Variants in CEP112 observed in about 807,000 individuals in gnomAD.
CEP112 encodes the protein centrosomal protein 112.
Under a neutral mutation model 153.0 loss-of-function variants are expected in CEP112, and 127 were observed. That is an observed-to-expected ratio of 0.83 (90% CI 0.72 to 0.96). CEP112 has a LOEUF of 0.96. Ranked by LOEUF, CEP112 falls within the 40% of genes least tolerant of loss-of-function variation. CEP112 has a pLI of 0.00. For missense variants in CEP112, 1,089 were observed against 1,101.2 expected (o/e 0.99, Z 0.16); for synonymous variants, 358 against 374.4 (o/e 0.96, Z 0.51).
At chr17:65,994,285 G>T (rs572216463) in intron 17 of CEP112, among the ~76,000 whole-genome samples, 48 of 152,110 alleles carry the variant, frequency 3.2e-4, no homozygotes, top group Non-Finnish European at 5.6e-4. Flanking sequence ...CACATATGTG[G>T]TTTACCTCTC....
At chr17:65,962,121 A>C (rs2062226453) in intron 17 of CEP112, among the ~76,000 whole-genome samples, 1 of 152,190 alleles carries the variant, frequency 6.6e-6, no homozygotes, top group Non-Finnish European at 1.5e-5. Flanking sequence ...GGAAATAGGG[A>C]GTGATTGCCA....
chr17:65,927,671 C>T lies in CEP112; in HGVS notation c.1891G>A (p.Asp631Asn). Residue 631 changes from aspartate (D) to asparagine (N), a missense_variant, in exon 19 of 27, where the codon GAT (aspartate) becomes AAT (asparagine). Physicochemically the swap from Asp to Asn is conservative, Grantham distance 23 (BLOSUM62 1). Coordinates refer to ENST00000535342, the MANE Select transcript of CEP112 (RefSeq NM_001199165.4). ...MKEQMEKVEA[D>N]LTRSKSLREK... ...CGAAGAGATTTGGATCTAGTTAGAT[C>T]TGCCTCCACTTTTTCCATCTATAAA... is the stretch of plus-strand genomic sequence containing the variant. 1 of 1,567,244 alleles carries T rather than the reference C, an allele frequency of 6.4e-7. No individual in the cohort carries two copies. The highest frequency in any genetic ancestry group is 8.6e-7 in the Non-Finnish European group (1 of 1,163,168).
At chr17:65,697,403 G>T (rs1261994831) in intron 23 of CEP112, among the ~76,000 whole-genome samples, 1 of 152,010 alleles carries the variant, frequency 6.6e-6, no homozygotes, top group Non-Finnish European at 1.5e-5. Context: ...TGATGAGTAG[G>T]TCTCCTTTTG....
At chr17:66,052,474 C>T (rs1028426011) in intron 12 of CEP112, among the ~76,000 whole-genome samples, 4 of 152,134 alleles carry the variant, frequency 2.6e-5, no homozygotes, top group African/African-American at 9.7e-5. Context: ...TGAAGACAGT[C>T]ACTTCCCCAG....
chr17:65,769,355 T>C lies in CEP112; in HGVS notation c.2395-18631A>G, dbSNP rs144407771. Among the ~76,000 whole-genome samples the C allele has an allele frequency of 5.9e-5, 9 of 152,126 alleles. 1 individual carries two copies. The highest frequency in any genetic ancestry group is 3.9e-4 in the East Asian group (2 of 5,182). The stretch of plus-strand genomic sequence containing the variant: ...TGTCCATACTACTCCCAAAGGAATA[T>C]ATAGATGCAATGCAAACCCTATCAA... On this transcript the variant is annotated intron_variant, in intron 21 of 26. Transcript: ENST00000535342.
intron 18 of CEP112, among the ~76,000 whole-genome samples, chr17:65,946,191 C>T (rs1486145679): frequency 1.3e-5 from 2 of 152,090 alleles, no homozygotes; most frequent in Admixed American, 6.6e-5. Flanking sequence ...CAATGAAGCC[C>T]AATTTTAAAA....
chr17:65,659,862 G>A (rs2046256224), intron 24 of CEP112, among the ~76,000 whole-genome samples: 2 of 152,202 alleles, frequency 1.3e-5, no homozygotes, highest in South Asian at 2.1e-4. Flanking sequence ...GATAATGGAG[G>A]CCATCACAGA....
intron 2 of CEP112, among the ~76,000 whole-genome samples, chr17:66,179,990 A>C (rs910652047): frequency 1.2e-4 from 19 of 152,098 alleles, no homozygotes; most frequent in African/African-American, 4.6e-4. Flanking sequence ...TATCACATGG[A>C]TTGATTTGCA....
intron 12 of CEP112, among the ~76,000 whole-genome samples, chr17:66,043,996 TTC>T (rs1288653834): frequency 6.6e-6 from 1 of 152,190 alleles, no homozygotes; most frequent in African/African-American, 2.4e-5. Context: ...CTTTTGACGA[TTC>T]TTAAATTCAA....
intron 6 of CEP112, among the ~76,000 whole-genome samples, chr17:66,119,073 C>T (rs564702940): frequency 6.6e-6 from 1 of 152,244 alleles, no homozygotes; most frequent in South Asian, 2.1e-4. Context: ...AGCCATGATC[C>T]TCAGCAAACT....
chr17:66,038,454 A>G (rs1299592239), intron 12 of CEP112, among the ~76,000 whole-genome samples: 4 of 152,246 alleles, frequency 2.6e-5, no homozygotes, highest in African/African-American at 7.2e-5. Context: ...GGGAAAGCCT[A>G]TAGGCATATA....
intron 18 of CEP112, among the ~76,000 whole-genome samples, chr17:65,942,855 G>A (rs577617087): frequency 2.6e-5 from 4 of 152,206 alleles, no homozygotes; most frequent in African/African-American, 9.6e-5. Context: ...CTCCAGTAAA[G>A]TACTATTGTG....
intron 2 of CEP112, among the ~76,000 whole-genome samples, chr17:66,177,842 C>T (rs1020159319): frequency 1.2e-4 from 18 of 152,172 alleles, no homozygotes; most frequent in Admixed American, 2.6e-4. Context: ...GCTTATTTCA[C>T]TTAACATAAT....
At chr17:65,747,231 G>A (rs2051527002) in intron 22 of CEP112, among the ~76,000 whole-genome samples, 1 of 152,190 alleles carries the variant, frequency 6.6e-6, no homozygotes, top group African/African-American at 2.4e-5. Flanking sequence ...AGGAACGTTA[G>A]GTGAACACTG....
At chr17:66,035,639 G>C (rs758818426) in intron 12 of CEP112, among the ~76,000 whole-genome samples, 50 of 152,246 alleles carry the variant, frequency 3.3e-4, no homozygotes, top group Admixed American at 1.1e-3. Flanking sequence ...AGAAATATTT[G>C]TACTCCCATG....
intron 19 of CEP112, among the ~76,000 whole-genome samples, chr17:65,920,201 C>T (rs1401454982): frequency 6.7e-6 from 1 of 150,002 alleles, no homozygotes; most frequent in Non-Finnish European, 1.5e-5. Context: ...AAAAATTAGC[C>T]AGGAGTGGTG....
intron 1 of CEP112, among the ~76,000 whole-genome samples, chr17:66,186,217 T>C (rs118190016): frequency 0.034 from 5,189 of 152,232 alleles, 132 homozygotes; most frequent in Middle Eastern, 0.061. Context: ...CTGACTACCA[T>C]GTACTCCCCT....
intron 17 of CEP112, among the ~76,000 whole-genome samples, chr17:65,976,706 T>G (rs2063045406): frequency 6.6e-6 from 1 of 151,490 alleles, no homozygotes; most frequent in South Asian, 2.1e-4. Flanking sequence ...ATATTTAATC[T>G]ATTTTTTAAA....
chr17:65,913,792 T>C, intron 19 of CEP112: 1 of 985,380 alleles, frequency 1.0e-6, no homozygotes, highest in Non-Finnish European at 1.2e-6. Flanking sequence ...AGCAGAAGGC[T>C]GGAAACACAG....
Sources: gnomAD v4.1 joint callset for allele counts (sites outside exome capture counted in the v4.1 genomes callset) on GRCh38, gnomAD v4.1.1 for gene constraint, MANE v1.5 for transcripts, NCBI Gene and HGNC (gene_info 2026-07-23, HGNC 2026-07-21) for gene names.